Variants in RPS6KA3 observed in about 807,000 individuals in gnomAD.
RPS6KA3 encodes the protein ribosomal protein S6 kinase alpha-3.
A neutral mutation model predicts 67.2 loss-of-function variants in RPS6KA3; 4 were observed. The ratio of observed to expected loss-of-function variants is 0.06; its 90% CI spans 0.03 to 0.14. The LOEUF is 0.14. Ranked by LOEUF, RPS6KA3 falls within the 10% of genes least tolerant of loss-of-function variation. The pLI is 1.00. For missense variants in RPS6KA3, 204 were observed against 559.0 expected, an observed-to-expected ratio of 0.36 and a Z score of 6.40; for synonymous variants, 182 against 183.7, an observed-to-expected ratio of 0.99 and a Z score of 0.07.
chrX:20,260,019 G>A (rs759993648), intron 1 of RPS6KA3, among the ~76,000 whole-genome samples: 1 of 111,285 alleles, frequency 9.0e-6, no homozygotes, highest in East Asian at 2.8e-4. Flanking sequence ...GGAAAACCCA[G>A]TTACCCTATG....
chrX:20,186,764 A>G (rs1005745739), intron 9 of RPS6KA3, among the ~76,000 whole-genome samples: 1 of 111,925 alleles, frequency 8.9e-6, no homozygotes, highest in African/African-American at 3.2e-5. Context: ...AGCTTCATCA[A>G]TCACATTTCA....
intron 13 of RPS6KA3, among the ~76,000 whole-genome samples, chrX:20,175,629 C>G (rs958554308): frequency 1.8e-5 from 2 of 112,097 alleles, no homozygotes; most frequent in South Asian, 7.4e-4. Context: ...ACTTTACAGT[C>G]TGATAGCCAC....
intron 15 of RPS6KA3, among the ~76,000 whole-genome samples, chrX:20,172,239 C>T (rs373567442): frequency 8.9e-6 from 1 of 112,123 alleles, no homozygotes; most frequent in East Asian, 2.8e-4. Context: ...TATCGTAGAG[C>T]TAGGTTCCTT....
At chrX:20,250,361 T>TA (rs1057477419) in intron 1 of RPS6KA3, among the ~76,000 whole-genome samples, 1 of 111,185 alleles carries the variant, frequency 9.0e-6, no homozygotes, top group African/African-American at 3.3e-5. Flanking sequence ...GCTAATTTTT[T>TA]AAAAAATTGT....
chrX:20,162,813 C>CTCCA (rs1195239975), intron 19 of RPS6KA3, 151 bp downstream of exon 19: 17 of 495,057 alleles, frequency 3.4e-5, no homozygotes, highest in Non-Finnish European at 5.5e-5. Flanking sequence ...TGTCACTGTA[C>CTCCA]TCCAGCCTGG....
At chrX:20,238,612 G>C (rs1351106970) in intron 1 of RPS6KA3, among the ~76,000 whole-genome samples, 1 of 110,304 alleles carries the variant, frequency 9.1e-6, no homozygotes, top group Non-Finnish European at 1.9e-5. Flanking sequence ...TACTAACAAA[G>C]CAACCTAAGA....
Position 20,266,762 on chromosome X carries a change from A to G in RPS6KA3, c.-130T>C, listed in dbSNP as rs865813880. 1.8e-5 allele frequency: 6 copies of G among 339,727 alleles called. No homozygotes were observed. The highest frequency in any genetic ancestry group is 2.3e-5 in the Non-Finnish European group (6 of 264,866). 28.0% of individuals were successfully genotyped at this position (339,727 alleles called of 1,213,427 possible). On this transcript the variant is annotated 5_prime_UTR_variant, in exon 1 of 22. Coordinates refer to ENST00000379565, the MANE Select transcript of RPS6KA3 (RefSeq NM_004586.3). ...CGGCGGCGGCGGCAGCGGCAGCGGC[A>G]GCGGCAGCAGCAGCAGCAGCGGCGG...
intron 2 of RPS6KA3, among the ~76,000 whole-genome samples, chrX:20,214,546 G>A (rs1339516370): frequency 9.0e-6 from 1 of 111,586 alleles, no homozygotes; most frequent in Non-Finnish European, 1.9e-5. Flanking sequence ...TTTTCCTTCT[G>A]GAAGCTTTAA....
At chrX:20,232,814 C>T (rs2069306777) in intron 2 of RPS6KA3, among the ~76,000 whole-genome samples, 1 of 111,387 alleles carries the variant, frequency 9.0e-6, no homozygotes, top group Non-Finnish European at 1.9e-5. Flanking sequence ...CTCAACTTCA[C>T]TAGTAAGCAA....
At chrX:20,165,161 G>A in intron 17 of RPS6KA3, 101 bp from the exon 18 acceptor site, 2 of 623,101 alleles carry the variant, frequency 3.2e-6, no homozygotes, top group African/African-American at 2.2e-5. Flanking sequence ...ACAAGATGAT[G>A]AGTGCTGACC....
chrX:20,192,366 C>A (rs1047965211), intron 7 of RPS6KA3, among the ~76,000 whole-genome samples: 1 of 107,417 alleles, frequency 9.3e-6, no homozygotes, highest in African/African-American at 3.4e-5. Flanking sequence ...TAGCTTTATA[C>A]CATCCCTCCT....
chrX:20,237,485 A>T (rs779022459), intron 1 of RPS6KA3, among the ~76,000 whole-genome samples: 56 of 111,973 alleles, frequency 5.0e-4, no homozygotes, highest in Admixed American at 3.9e-3. Context: ...GAGAAACAGC[A>T]CTAAACTTGG....
At chrX:20,264,551 A>G (rs766240493) in intron 1 of RPS6KA3, among the ~76,000 whole-genome samples, 51 of 112,374 alleles carry the variant, frequency 4.5e-4, no homozygotes, top group African/African-American at 1.6e-3. Flanking sequence ...TTCCTAATCT[A>G]TAACAATGGG....
chrX:20,260,560 A>G (rs1323800795), intron 1 of RPS6KA3, among the ~76,000 whole-genome samples: 2 of 111,788 alleles, frequency 1.8e-5, no homozygotes, highest in Non-Finnish European at 3.8e-5. Flanking sequence ...TTACGTTCAG[A>G]TATTACCATG....
At chrX:20,178,952 G>A (rs868268658) in intron 10 of RPS6KA3, among the ~76,000 whole-genome samples, 8 of 110,453 alleles carry the variant, frequency 7.2e-5, no homozygotes, top group Middle Eastern at 4.7e-3. Flanking sequence ...AACTCCAAGG[G>A]TAATAGAGAA....
chrX:20,178,623 C>T (rs1304290160), intron 10 of RPS6KA3, among the ~76,000 whole-genome samples: 1 of 94,218 alleles, frequency 1.1e-5, no homozygotes, highest in African/African-American at 4.0e-5. Context: ...CAGGTGTGTG[C>T]TACCACACCT....
intron 2 of RPS6KA3, among the ~76,000 whole-genome samples, chrX:20,230,851 T>C (rs2069244358): frequency 9.0e-6 from 1 of 111,525 alleles, no homozygotes; most frequent in Admixed American, 9.5e-5. Flanking sequence ...AATAACCAGA[T>C]GGAAAACATA....
intron 10 of RPS6KA3, among the ~76,000 whole-genome samples, chrX:20,181,024 T>C (rs1237574968): frequency 1.8e-5 from 2 of 111,962 alleles, no homozygotes; most frequent in African/African-American, 6.5e-5. Context: ...CTGAAAAACT[T>C]AGTTAAGGAC....
chrX:20,183,187 T>A (rs189277557), intron 10 of RPS6KA3, among the ~76,000 whole-genome samples: 284 of 110,834 alleles, frequency 2.6e-3, no homozygotes, highest in African/African-American at 8.3e-3. Flanking sequence ...GTAGGAATTT[T>A]AAAAAAAATT....
Sources: gnomAD v4.1 joint callset for allele counts (sites outside exome capture counted in the v4.1 genomes callset) on GRCh38, gnomAD v4.1.1 for gene constraint, MANE v1.5 for transcripts, NCBI Gene and HGNC (gene_info 2026-07-23, HGNC 2026-07-21) for gene names.